FNIP2: variants seen among roughly 807,000 people sequenced by gnomAD.
FNIP2 encodes the protein folliculin interacting protein 2.
A neutral mutation model predicts 108.7 loss-of-function variants in FNIP2; 32 were observed. The observed-to-expected ratio is 0.29, with a 90% confidence interval of 0.22 to 0.40. The LOEUF (loss-of-function observed/expected upper bound fraction) is 0.40. Ranked by LOEUF, FNIP2 falls within the 10% of genes least tolerant of loss-of-function variation. The pLI, the probability that FNIP2 is intolerant of heterozygous loss-of-function variation, is 1.00. For missense variants in FNIP2, 1,202 were observed against 1,381.6 expected (o/e 0.87, Z 2.06); for synonymous variants, 480 against 496.7 (o/e 0.97, Z 0.45).
At chr4:158,841,249 G>C (rs541536182) in intron 7 of FNIP2, among the ~76,000 whole-genome samples, 1 of 152,324 alleles carries the variant, frequency 6.6e-6, no homozygotes, top group East Asian at 1.9e-4. Flanking sequence ...ATGGTTGCGA[G>C]ATAAGGCTGG....
intron 3 of FNIP2, among the ~76,000 whole-genome samples, chr4:158,830,278 C>T (rs574049142): frequency 2.1e-3 from 213 of 101,440 alleles, no homozygotes; most frequent in African/African-American, 7.9e-3. Flanking sequence ...TTTTTTGAGA[C>T]GGAGTCTCGC....
At chr4:158,798,045 T>C (rs1776644705) in intron 1 of FNIP2, among the ~76,000 whole-genome samples, 1 of 152,162 alleles carries the variant, frequency 6.6e-6, no homozygotes, top group Admixed American at 6.5e-5. Context: ...TCTAGGTTTT[T>C]TTGTTTTTGT....
chr4:158,786,990 T>A (rs1458184861), intron 1 of FNIP2, among the ~76,000 whole-genome samples: 1 of 152,068 alleles, frequency 6.6e-6, no homozygotes. Flanking sequence ...TTTTTTTTTT[T>A]AATCTCTAAG....
intron 8 of FNIP2, among the ~76,000 whole-genome samples, chr4:158,851,879 C>A (rs1779720985): frequency 6.6e-6 from 1 of 152,178 alleles, no homozygotes; most frequent in South Asian, 2.1e-4. Context: ...GTAAATTCTT[C>A]AACTAAACAG....
rs150423130 is a variant in FNIP2 at position 158,870,880 on chromosome 4, G to A, written c.2949+411G>A. Among the ~76,000 whole-genome samples the A allele has an allele frequency of 1.4e-3, 209 of 152,352 alleles. 2 individuals are homozygous for A. Among genetic ancestry groups the A allele is most frequent in the African/African-American group, 4.8e-3 (199 of 41,576 alleles). ...GCTGATGCAGACACACAGCCTTGTGGTGCATAGAGGTCAGCCTCCTGGGGC... is the reference window on the plus strand; with the variant it reads ...GCTGATGCAGACACACAGCCTTGTGATGCATAGAGGTCAGCCTCCTGGGGC... On this transcript the variant is annotated intron_variant, in intron 14 of 16. Coordinates refer to ENST00000264433, the MANE Select transcript of FNIP2 (RefSeq NM_020840.3).
chr4:158,795,688 A>G (rs1422107261), intron 1 of FNIP2, among the ~76,000 whole-genome samples: 9 of 152,170 alleles, frequency 5.9e-5, no homozygotes, highest in African/African-American at 2.2e-4. Flanking sequence ...CGGGCAAGGG[A>G]GCGAAGCTTC....
At chr4:158,849,621 T>G (rs1339676350) in intron 7 of FNIP2, among the ~76,000 whole-genome samples, 3 of 152,060 alleles carry the variant, frequency 2.0e-5, no homozygotes, top group African/African-American at 7.3e-5. Flanking sequence ...TTAGGATGTT[T>G]TATTAAGTAA....
Position 158,859,229 on chromosome 4 carries a change from A to G in FNIP2, c.1030A>G (p.Met344Val). 2 of 1,611,010 alleles carry G rather than the reference A, an allele frequency of 1.2e-6. No homozygotes were observed. Among genetic ancestry groups the G allele is most frequent in the Non-Finnish European group, 1.7e-6 (2 of 1,178,286 alleles). The part of the protein sequence containing the change: ...FSHFPLFESH[M>V]NRLKSAIEKA... ...TCATTTTCCCCTGTTTGAATCTCAC[A>G]TGAACAGGCTGAAGAGTGCAATTGA... is the stretch of plus-strand genomic sequence containing the variant. The change falls in exon 9 of 17, where the codon ATG becomes GTG. Residue 344 changes from methionine (M) to valine (V), a missense_variant. Met to Val is a conservative substitution (Grantham distance 21). This residue lies in a region of FNIP2 where 878 missense variants were observed against 990.3 expected (regional missense o/e 0.89). Coordinates refer to ENST00000264433, the MANE Select transcript of FNIP2 (RefSeq NM_020840.3).
intron 3 of FNIP2, among the ~76,000 whole-genome samples, chr4:158,830,287 G>A (rs560159077): frequency 1.7e-5 from 2 of 114,640 alleles, no homozygotes; most frequent in Non-Finnish European, 3.3e-5. Context: ...ACGGAGTCTC[G>A]CTCTGTCGCC....
At chr4:158,828,402 T>G (rs1778274222) in intron 2 of FNIP2, among the ~76,000 whole-genome samples, 1 of 152,130 alleles carries the variant, frequency 6.6e-6, no homozygotes. Flanking sequence ...GATCACGAGG[T>G]CAAGAGATCA....
intron 1 of FNIP2, among the ~76,000 whole-genome samples, chr4:158,804,409 T>C (rs143489635): frequency 6.9e-4 from 84 of 121,672 alleles, no homozygotes; most frequent in African/African-American, 2.5e-3. Flanking sequence ...AGATGTATTA[T>C]ACACTTTTTT....
intron 14 of FNIP2, among the ~76,000 whole-genome samples, chr4:158,883,267 A>T (rs1781801392): frequency 6.6e-6 from 1 of 151,742 alleles, no homozygotes; most frequent in Non-Finnish European, 1.5e-5. Context: ...TTTGAGACGG[A>T]GTCTGGCTCT....
At chr4:158,821,819 T>C (rs1204860631) in intron 1 of FNIP2, among the ~76,000 whole-genome samples, 3 of 152,174 alleles carry the variant, frequency 2.0e-5, no homozygotes, top group Admixed American at 6.5e-5. Context: ...CTACTAATAC[T>C]AAAATGTCAG....
chr4:158,872,522 G>C (rs1781010971), intron 14 of FNIP2: 2 of 985,240 alleles, frequency 2.0e-6, no homozygotes, highest in South Asian at 9.4e-5. Context: ...CCTATATTGT[G>C]TCAAATTGTG....
chr4:158,883,527 C>A (rs1781837277), intron 14 of FNIP2, among the ~76,000 whole-genome samples: 1 of 152,220 alleles, frequency 6.6e-6, no homozygotes, highest in Admixed American at 6.5e-5. Flanking sequence ...AGGCGTGAGC[C>A]ATCGCGCCCA....
Position 158,904,666 on chromosome 4 carries a change from C to A in FNIP2, c.*122C>A. 2 of 866,288 alleles carry A rather than the reference C, an allele frequency of 2.3e-6. No homozygotes were observed. The highest frequency in any genetic ancestry group is 2.4e-5 in the Admixed American group (1 of 41,938). The allele number at this position is 866,288 out of a possible 1,614,324, so 53.7% of individuals were successfully genotyped here. ...AGAGCAAACAGAAACAGTCATTCCA[C>A]CTTTTTGTTTTGTGTTTTTGCTGTC... On this transcript the variant is annotated 3_prime_UTR_variant, in exon 17 of 17. Transcript: ENST00000264433.
chr4:158,860,411 C>T lies in FNIP2; in HGVS notation c.1148+745C>T, dbSNP rs776193714. Among the ~76,000 whole-genome samples the T allele has an allele frequency of 3.5e-4, 53 of 151,344 alleles. No homozygotes were observed. In the Middle Eastern group the frequency reaches 0.01, roughly 30 times the overall value. On this transcript the variant is annotated intron_variant, in intron 10 of 16. Transcript: ENST00000264433. ...TCAGTAATGCTACCTGGAGCAAAAT[C>T]GCAAGCCTTTTTTTTACTGTGGATT... is the stretch of plus-strand genomic sequence containing the variant.
chr4:158,853,762 C>A (rs1259719098), intron 8 of FNIP2, among the ~76,000 whole-genome samples: 1 of 152,166 alleles, frequency 6.6e-6, no homozygotes, highest in East Asian at 1.9e-4. Context: ...AGATTTAATT[C>A]TTCACACAAA....
chr4:158,804,127 A>T (rs1341490881), intron 1 of FNIP2, among the ~76,000 whole-genome samples: 1 of 152,058 alleles, frequency 6.6e-6, no homozygotes, highest in East Asian at 1.9e-4. Flanking sequence ...TTTTTAGTAG[A>T]GACGGGGTTT....
Sources: gnomAD v4.1 joint callset for allele counts (sites outside exome capture counted in the v4.1 genomes callset) on GRCh38, gnomAD v4.1.1 for gene constraint, gnomAD v4.1.1 regional missense constraint, MANE v1.5 for transcripts, NCBI Gene and HGNC (gene_info 2026-07-23, HGNC 2026-07-21) for gene names.